Variants in ZNF208 observed in about 807,000 individuals in gnomAD.
ZNF208 encodes the protein zinc finger protein 95.
Under a neutral mutation model 12.1 loss-of-function variants are expected in ZNF208, and 10 were observed. That is an observed-to-expected ratio of 0.83 (90% CI 0.51 to 1.40). ZNF208 has a LOEUF of 1.40. Ranked by LOEUF, ZNF208 falls within the 40% of genes most tolerant of loss-of-function variation. The pLI, the probability that ZNF208 is intolerant of heterozygous loss-of-function variation, is 0.00. For synonymous variants in ZNF208, 497 were observed against 488.4 expected, an observed-to-expected ratio of 1.02 and a Z score of -0.23; for missense variants, 1,652 against 1,485.0, an observed-to-expected ratio of 1.11 and a Z score of -1.85.
At chr19:22,009,138 T>C (rs1309048413) in intron 1 of ZNF208, among the ~76,000 whole-genome samples, 1 of 152,162 alleles carries the variant, frequency 6.6e-6, no homozygotes, top group Non-Finnish European at 1.5e-5. Flanking sequence ...AACAAATCTT[T>C]TTAAATGTGC....
chr19:22,002,863 G>A (rs1970976929), intron 1 of ZNF208, among the ~76,000 whole-genome samples: 1 of 152,052 alleles, frequency 6.6e-6, no homozygotes, highest in Admixed American at 6.5e-5. Context: ...AAATTCACAT[G>A]GAACCAAAAA....
rs771510854 is a variant in ZNF208 at position 21,966,099 on chromosome 19, A to G, written c.*5092T>C. On this transcript the variant is annotated 3_prime_UTR_variant, in exon 4 of 4. Transcript: ENST00000397126. ...CTGGAAAAATAGAACATGTCATTAT[A>G]CCAAAAAACATTTTATTATTTTTAT... 4 of 152,024 alleles carry G rather than the reference A, an allele frequency of 2.6e-5. No individual in the cohort carries two copies. The highest frequency in any genetic ancestry group is 3.2e-3 in the Middle Eastern group (1 of 316). 9.4% of individuals were successfully genotyped at this position (152,024 alleles called of 1,614,324 possible).
At position 22,001,892 on chromosome 19, in the gene ZNF208, C is replaced by CAAAAAAAAAAAAAAAAAAAAAAAAA. The variant is rs58939967; in HGVS notation, c.3+8875_3+8899dup. 4.5e-3 allele frequency among the ~76,000 whole-genome samples: 334 copies of CAAAAAAAAAAAAAAAAAAAAAAAAA among 74,096 alleles called. 73 individuals carry two copies. Among genetic ancestry groups the CAAAAAAAAAAAAAAAAAAAAAAAAA allele is most frequent in the Non-Finnish European group, 6.3e-3 (230 of 36,764 alleles). 48.6% of individuals were successfully genotyped at this position (74,096 alleles called of 152,430 possible). On this transcript the variant is annotated intron_variant, in intron 1 of 3. Coordinates refer to ENST00000397126, the MANE Select transcript of ZNF208 (RefSeq NM_007153.3). ...TGGATGACACAGTGAGACTCCATCC[C>CAAAAAAAAAAAAAAAAAAAAAAAAA]AAAAAAAAAAAAAAAAAAAAAAAAA...
In ZNF208 at chr19:21,974,594, C is replaced by G; in HGVS notation, c.440G>C (p.Arg147Pro). 1 of 1,613,670 alleles carries G rather than the reference C, an allele frequency of 6.2e-7. No homozygotes were observed. The highest frequency in any genetic ancestry group is 1.1e-5 in the South Asian group (1 of 91,060). ...ATGAAAGACATTTGCATATTTGCCACGTTGAAATACTTTGCTCTGTGTAGT... is the reference window on the plus strand; with the variant it reads ...ATGAAAGACATTTGCATATTTGCCAGGTTGAAATACTTTGCTCTGTGTAGT... ...LTTTQSKVFQ[R>P]GKYANVFHKC... Residue 147 changes from arginine to proline, a missense_variant, in exon 4 of 4, where the codon CGT (arginine) becomes CCT (proline). Physicochemically the swap from Arg to Pro is moderately radical, Grantham distance 103. This residue lies in a region of ZNF208 where 410 missense variants were observed against 378.2 expected (regional missense o/e 1.08). Transcript: ENST00000397126.
intron 4 of ZNF208, among the ~76,000 whole-genome samples, chr19:21,942,503 T>C (rs1969756744): frequency 6.6e-6 from 1 of 152,196 alleles, no homozygotes; most frequent in African/African-American, 2.4e-5. Flanking sequence ...GTTTATTAAA[T>C]TGTTGAAGAT....
At chr19:21,951,843 G>C (rs543361003) in intron 4 of ZNF208, among the ~76,000 whole-genome samples, 2 of 152,220 alleles carry the variant, frequency 1.3e-5, no homozygotes, top group Non-Finnish European at 2.9e-5. Context: ...GCAGGACAGG[G>C]TGTCACCTCA....
Position 21,972,913 on chromosome 19 carries a change from G to T in ZNF208, c.2121C>A (p.Asn707Lys), listed in dbSNP as rs201994264. 8.4e-7 allele frequency: 1 copy of T among 1,192,238 alleles called. No individual in the cohort carries two copies. 73.9% of individuals were successfully genotyped at this position (1,192,238 alleles called of 1,614,324 possible). A position where few individuals can be genotyped will look rare whatever the true frequency, so the allele number is the denominator to read the frequency against. The change falls in exon 4 of 4, where the codon AAC becomes AAA. Residue 707 changes from asparagine to lysine, a missense_variant. Transcript: ENST00000397126. ...TATGAATTCTCTTATGTTCCATAAG[G>T]TTTGAGGACCAGTTGAAAGCTTTGC... ...ECGKAFNWSS[N>K]LMEHKRIHTG... is the part of the protein sequence containing the mutation.
chr19:21,950,077 T>A (rs1273097273), intron 4 of ZNF208, among the ~76,000 whole-genome samples: 1 of 152,190 alleles, frequency 6.6e-6, no homozygotes, highest in Non-Finnish European at 1.5e-5. Context: ...ATAAGAAGAA[T>A]CACTGCTTAT....
downstream of ZNF208, among the ~76,000 whole-genome samples, chr19:21,964,152 A>G (rs1290386285): frequency 6.6e-6 from 1 of 151,922 alleles, no homozygotes; most frequent in Non-Finnish European, 1.5e-5. Context: ...TACTTTTTTT[A>G]TAAGAGAGAG....
At chr19:21,947,227 G>A (rs1969828238) in intron 4 of ZNF208, among the ~76,000 whole-genome samples, 1 of 152,104 alleles carries the variant, frequency 6.6e-6, no homozygotes, top group South Asian at 2.1e-4. Flanking sequence ...GGCACTGTAT[G>A]AGAGAATATT....
chr19:21,988,148 T>G (rs1970658473), intron 2 of ZNF208, among the ~76,000 whole-genome samples: 1 of 152,118 alleles, frequency 6.6e-6, no homozygotes. Flanking sequence ...TAATCTAAAG[T>G]GAAGGACACA....
At chr19:22,008,730 G>A (rs1228590171) in intron 1 of ZNF208, among the ~76,000 whole-genome samples, 3 of 152,008 alleles carry the variant, frequency 2.0e-5, no homozygotes, top group African/African-American at 7.3e-5. Flanking sequence ...AGCTGCGTTG[G>A]GTAAAGACAA....
Position 21,974,681 on chromosome 19 carries a change from G to A in ZNF208, c.353C>T (p.Thr118Ile), listed in dbSNP as rs754577086. 1.2e-6 allele frequency: 2 copies of A among 1,613,358 alleles called. No homozygotes were observed. Among genetic ancestry groups the A allele is most frequent in the African/African-American group, 2.7e-5 (2 of 74,870 alleles). Reference protein sequence around the residue: ...HENLHLKIGYTNVDECKVHKE... With the variant: ...HENLHLKIGYINVDECKVHKE... ...GTGCACCTTACACTCATCCACATTG[G>A]TATAACCAATTTTTAAGTGTAAATT... Residue 118 changes from threonine to isoleucine, a missense_variant, in exon 4 of 4, where the codon ACC (threonine) becomes ATC (isoleucine). By Grantham distance (89) the Thr-to-Ile change is moderately conservative (BLOSUM62 -1). Coordinates refer to ENST00000397126, the MANE Select transcript of ZNF208 (RefSeq NM_007153.3).
At chr19:21,975,737 A>G (rs1970417852) in intron 3 of ZNF208, among the ~76,000 whole-genome samples, 1 of 151,638 alleles carries the variant, frequency 6.6e-6, no homozygotes, top group African/African-American at 2.4e-5. Context: ...AAAATCAGAA[A>G]AATGAGGATA....
intron 4 of ZNF208, among the ~76,000 whole-genome samples, chr19:21,948,452 T>A (rs1969844785): frequency 6.6e-6 from 1 of 152,184 alleles, no homozygotes; most frequent in Non-Finnish European, 1.5e-5. Flanking sequence ...GAACCCTAAA[T>A]GCAACTTCCA....
In ZNF208 at chr19:21,971,907, T is replaced by G; in HGVS notation, c.3127A>C (p.Ser1043Arg). ...ECDKAFSWPS[S>R]LTEHKATHAG... ...TGAGTTGCCTTATGTTCAGTAAGGC[T>G]TGAGGGCCAGCTGAAGGCTTTGTCA... The change falls in exon 4 of 4, where the codon AGC (serine) becomes CGC (arginine). Residue 1043 changes from serine (S) to arginine (R), a missense_variant. Physicochemically the swap from Ser to Arg is moderately radical, Grantham distance 110. Around this residue, in one of 3 missense-constraint regions of ZNF208, gnomAD observed 1,239 missense variants for 1,086.2 expected, o/e 1.14. Transcript: ENST00000397126. 6.5e-7 allele frequency: 1 copy of G among 1,530,312 alleles called. No homozygotes were observed. The allele number at this position is 1,530,312 out of a possible 1,614,324, so 94.8% of individuals were successfully genotyped here.
At chr19:21,963,119 G>C (rs1475211643), downstream of ZNF208, among the ~76,000 whole-genome samples, 1 of 151,082 alleles carries the variant, frequency 6.6e-6, no homozygotes, top group East Asian at 1.9e-4. Context: ...AGCAGGCAAT[G>C]CTCTTCTTAC....
rs141339620 is a variant in ZNF208, at chr19:22,003,301, G to C, written c.3+7491C>G. 7.7e-3 allele frequency among the ~76,000 whole-genome samples: 1,169 copies of C among 152,144 alleles called. 9 individuals are homozygous for C. Among genetic ancestry groups the C allele is most frequent in the African/African-American group, 0.026 (1,091 of 41,532 alleles). On this transcript the variant is annotated intron_variant, in intron 1 of 3. Transcript: ENST00000397126. Reference sequence around the variant, plus strand: ...GGCAAAGATTTCATGATGAAGATATGAAAAGCAATTGCAACAAAAGCAAAA... The same window carrying C: ...GGCAAAGATTTCATGATGAAGATATCAAAAGCAATTGCAACAAAAGCAAAA...
Position 21,967,445 on chromosome 19 carries a change from A to T in ZNF208, c.*3746T>A, listed in dbSNP as rs1253932042. On this transcript the variant is annotated 3_prime_UTR_variant, in exon 4 of 4. Transcript: ENST00000397126. ...GAACCATGTTATACTGGTTATTCTG[A>T]TGCAATCTTGGCTCACTGCAACCTC... The T allele has an allele frequency of 6.6e-6, 1 of 152,018 alleles. No homozygotes were observed. Among genetic ancestry groups the T allele is most frequent in the Non-Finnish European group, 1.5e-5 (1 of 68,032 alleles). 9.4% of individuals were successfully genotyped at this position (152,018 alleles called of 1,614,324 possible).
Sources: allele counts gnomAD v4.1 joint callset (sites outside exome capture counted in the v4.1 genomes callset), GRCh38; gene constraint gnomAD v4.1.1; regional missense constraint gnomAD v4.1.1; transcripts MANE v1.5; gene names NCBI Gene and HGNC (gene_info 2026-07-23, HGNC 2026-07-21).